Variants in RASSF2 observed in about 807,000 individuals in gnomAD.
The protein encoded by RASSF2 is ras association domain-containing protein 2.
In RASSF2, 34 loss-of-function variants were observed where a neutral mutation model predicts 46.3. The observed-to-expected ratio is 0.73, with a 90% CI of 0.56 to 0.98. The LOEUF (loss-of-function observed/expected upper bound fraction) is 0.98, where lower values mean the gene tolerates loss of function less well. RASSF2 is among the 50% of genes least tolerant of loss of function. The probability of loss-of-function intolerance (pLI) is 0.00; values close to 1 mark genes in which losing one functional copy is unlikely to be tolerated. For missense variants in RASSF2, 364 were observed against 431.2 expected, an observed-to-expected ratio of 0.84 and a Z score of 1.38; for synonymous variants, 158 against 162.5, an observed-to-expected ratio of 0.97 and a Z score of 0.21.
intron 2 of RASSF2, among the ~76,000 whole-genome samples, chr20:4,801,898 C>T (rs1926903084): frequency 6.6e-6 from 1 of 152,052 alleles, no homozygotes; most frequent in African/African-American, 2.4e-5. Flanking sequence ...GCCATCACGC[C>T]AGGCTAATTT....
At chr20:4,822,578 T>G (rs1294067078) in intron 1 of RASSF2, among the ~76,000 whole-genome samples, 175 bp from the exon 2 acceptor site, 1 of 152,220 alleles carries the variant, frequency 6.6e-6, no homozygotes, top group Non-Finnish European at 1.5e-5. Context: ...GCTCTCCGAC[T>G]TAGAGCTGAA....
chr20:4,807,484 A>G (rs6084900), intron 2 of RASSF2, among the ~76,000 whole-genome samples: 37,992 of 152,214 alleles, frequency 0.25, 5,071 homozygotes, highest in African/African-American at 0.31. Flanking sequence ...CATTCATAAA[A>G]TGGGCAAAGG....
Position 4,812,107 on chromosome 20 carries a change from G to C in RASSF2, c.-33+10222C>G, listed in dbSNP as rs1465046130. Among the ~76,000 whole-genome samples the C allele has an allele frequency of 6.6e-6, 1 of 152,158 alleles. No individual in the cohort carries two copies. The highest frequency in any genetic ancestry group is 2.4e-5 in the African/African-American group (1 of 41,436). On this transcript the variant is annotated intron_variant, in intron 2 of 11. Coordinates refer to ENST00000379400, the MANE Select transcript of RASSF2 (RefSeq NM_014737.3). The surrounding 1 kb of genome is among the most constrained non-coding windows in gnomAD (Gnocchi z 4.0). ...ACGAGGAAGGAGACTTGAGCTGCGG[G>C]CTGGGGCCCTGCCAAGACCTAGAGA...
At chr20:4,805,424 C>T (rs575951570) in intron 2 of RASSF2, among the ~76,000 whole-genome samples, 1 of 152,196 alleles carries the variant, frequency 6.6e-6, no homozygotes, top group African/African-American at 2.4e-5. Context: ...GGCAAGGACA[C>T]AGATTTGCCT....
At position 4,789,644 on chromosome 20, in the gene RASSF2, G is replaced by A. The variant is rs376369304; in HGVS notation, c.591C>T (p.Ser197=). ...TCAGGACCTGTGGGGTGGTCATGGTGCTGTTGATGCGGACGTTGGTGACAG... is the reference window on the plus strand; with the variant it reads ...TCAGGACCTGTGGGGTGGTCATGGTACTGTTGATGCGGACGTTGGTGACAG... ...YGSVTNVRIN[S]TMTTPQVLKL... The change falls in exon 8 of 12, where the codon AGC becomes AGT. Residue 197 remains serine, a synonymous_variant. Coordinates refer to ENST00000379400, the MANE Select transcript of RASSF2 (RefSeq NM_014737.3). 1.9e-6 allele frequency: 3 copies of A among 1,614,048 alleles called. No individual in the cohort carries two copies. The highest frequency in any genetic ancestry group is 2.5e-6 in the Non-Finnish European group (3 of 1,180,032).
intron 1 of RASSF2, among the ~76,000 whole-genome samples, chr20:4,823,274 C>CCTCG (rs1928844511): frequency 6.6e-6 from 1 of 152,026 alleles, no homozygotes; most frequent in African/African-American, 2.4e-5. Flanking sequence ...CGCGCCAGTG[C>CCTCG]CTCGCTCCCA....
At chr20:4,810,860 T>A (rs1359114585) in intron 2 of RASSF2, among the ~76,000 whole-genome samples, 1 of 152,018 alleles carries the variant, frequency 6.6e-6, no homozygotes. Flanking sequence ...CCATGGAGAA[T>A]TCCCAGGGTG....
chr20:4,810,452 A>G (rs910039606), intron 2 of RASSF2, among the ~76,000 whole-genome samples: 1 of 152,162 alleles, frequency 6.6e-6, no homozygotes, highest in Non-Finnish European at 1.5e-5. Context: ...CTCTGCTCTT[A>G]GGTCTTGCTT....
intron 2 of RASSF2, among the ~76,000 whole-genome samples, chr20:4,802,884 A>G (rs575557957): frequency 5.0e-4 from 57 of 113,936 alleles, no homozygotes; most frequent in Middle Eastern, 4.1e-3. Context: ...GTGTGTGTGT[A>G]TATATATATA....
chr20:4,795,938 A>C lies in RASSF2; in HGVS notation c.164T>G (p.Leu55Arg), dbSNP rs1446633611. The part of the protein sequence containing the change: ...EEEDEFIVEG[L>R]LNISWGLRRP... ...GCGCAGGCCCCAGGAGATGTTCAGG[A>C]GCCCCTCCACAATGAACTCGTCTTC... is the stretch of plus-strand genomic sequence containing the variant. The change falls in exon 5 of 12, where the codon CTC (leucine) becomes CGC (arginine). Residue 55 changes from leucine to arginine, a missense_variant. Transcript: ENST00000379400. The surrounding 1 kb of genome is among the most constrained non-coding windows in gnomAD (Gnocchi z 4.0). 9 of 1,555,706 alleles carry C rather than the reference A, an allele frequency of 5.8e-6. No homozygotes were observed. The highest frequency in any genetic ancestry group is 7.0e-6 in the Non-Finnish European group (8 of 1,145,882).
chr20:4,817,427 C>G (rs1928399138), intron 2 of RASSF2, among the ~76,000 whole-genome samples: 1 of 152,144 alleles, frequency 6.6e-6, no homozygotes, highest in African/African-American at 2.4e-5. Context: ...ATGATGAATT[C>G]TGTCATAGAA....
intron 2 of RASSF2, among the ~76,000 whole-genome samples, chr20:4,802,280 G>A (rs979583615): frequency 1.8e-4 from 28 of 152,112 alleles, no homozygotes; most frequent in African/African-American, 6.5e-4. Flanking sequence ...CATTGCAGGT[G>A]TTTAGCAGCA....
chr20:4,820,804 T>C (rs1028357481), intron 2 of RASSF2, among the ~76,000 whole-genome samples: 2 of 152,140 alleles, frequency 1.3e-5, no homozygotes, highest in Non-Finnish European at 2.9e-5. Context: ...GTCCTGGGAC[T>C]ACTCTTGGGG....
Position 4,784,194 on chromosome 20 carries a change from A to T in RASSF2, c.*79T>A. ...GGTTTGTGTCTAAATGTTTCCATGG[A>T]AAGAAAGTGCCTAGCTTCCTGGGGG... is the stretch of plus-strand genomic sequence containing the variant. On this transcript the variant is annotated 3_prime_UTR_variant, in exon 12 of 12. Coordinates refer to ENST00000379400, the MANE Select transcript of RASSF2 (RefSeq NM_014737.3). The T allele has an allele frequency of 7.0e-7, 1 of 1,423,948 alleles. No homozygotes were observed. Among genetic ancestry groups the T allele is most frequent in the South Asian group, 1.1e-5 (1 of 87,066 alleles). 88.2% of individuals were successfully genotyped at this position (1,423,948 alleles called of 1,614,324 possible).
Position 4,809,675 on chromosome 20 carries a change from G to A in RASSF2, c.-32-8613C>T, listed in dbSNP as rs140245795. Among the ~76,000 whole-genome samples, 51 of 152,342 alleles carry A rather than the reference G, an allele frequency of 3.3e-4. No homozygotes were observed. The East Asian group carries it at 9.7e-3, about 29-fold the overall frequency. The stretch of plus-strand genomic sequence containing the variant: ...ACTAACCTGCTACCTTAGGCCAGGG[G>A]ATTCCTAGAAGCAGAGCCTGAAAGA... On this transcript the variant is annotated intron_variant, in intron 2 of 11. Transcript: ENST00000379400.
chr20:4,785,659 C>G (rs1410993715), intron 11 of RASSF2, among the ~76,000 whole-genome samples: 1 of 152,132 alleles, frequency 6.6e-6, no homozygotes, highest in Non-Finnish European at 1.5e-5. Flanking sequence ...CAGGCTACAT[C>G]CACGGCTAAG....
intron 5 of RASSF2, 60 bp from the exon 6 acceptor site, chr20:4,792,687 C>G: frequency 1.3e-6 from 2 of 1,566,378 alleles, no homozygotes; most frequent in Non-Finnish European, 1.7e-6. Flanking sequence ...TGGAGAGACG[C>G]CCCCGCACCC....
At position 4,822,340 on chromosome 20, in the gene RASSF2, G is replaced by C. The variant is rs1885311; in HGVS notation, c.-44C>G. ...TACAAGGTACTTACTATATCCCCAGGCTGCCGTAGACACAGCCTTTGCTCT... is the reference window on the plus strand; with the variant it reads ...TACAAGGTACTTACTATATCCCCAGCCTGCCGTAGACACAGCCTTTGCTCT... On this transcript the variant is annotated 5_prime_UTR_variant, in exon 2 of 12. Transcript: ENST00000379400. 130,751 of 152,256 alleles carry C rather than the reference G, an allele frequency of 0.86. 56,236 individuals are homozygous for C. Among genetic ancestry groups the C allele is most frequent in the East Asian group, 0.93 (4,800 of 5,180 alleles). The allele number at this position is 152,256 out of a possible 1,614,324, so 9.4% of individuals were successfully genotyped here.
intron 9 of RASSF2, among the ~76,000 whole-genome samples, 192 bp from the exon 10 acceptor site, chr20:4,787,946 T>C: frequency 6.6e-6 from 1 of 152,138 alleles, no homozygotes; most frequent in East Asian, 1.9e-4. Flanking sequence ...AATACCACCA[T>C]GCCTCAAACT....
Sources: gnomAD v4.1 joint callset for allele counts (sites outside exome capture counted in the v4.1 genomes callset) on GRCh38, gnomAD v4.1.1 for gene constraint, Gnocchi (gnomAD v3.1) non-coding constraint, MANE v1.5 for transcripts, NCBI Gene and HGNC (gene_info 2026-07-23, HGNC 2026-07-21) for gene names.